EDAR: variants seen among roughly 807,000 people sequenced by gnomAD.
EDAR encodes the protein tumor necrosis factor receptor superfamily member EDAR.
A neutral mutation model predicts 51.3 loss-of-function variants in EDAR; 38 were observed. The observed-to-expected ratio is 0.74, with a 90% CI of 0.57 to 0.97. The LOEUF is 0.97. Among genes scored for constraint, EDAR ranks in the 50% least tolerant of loss-of-function variants. The pLI, the probability that EDAR is intolerant of heterozygous loss-of-function variation, is 0.00. For missense variants in EDAR, 528 were observed against 595.0 expected, an observed-to-expected ratio of 0.89 and a Z score of 1.17; for synonymous variants, 227 against 242.1, an observed-to-expected ratio of 0.94 and a Z score of 0.58.
chr2:108,905,151 G>A (rs372891986), intron 11 of EDAR, among the ~76,000 whole-genome samples: 1 of 152,308 alleles, frequency 6.6e-6, no homozygotes, highest in East Asian at 1.9e-4. Flanking sequence ...GGGCAGAGAG[G>A]GTGTTAAGAC....
At chr2:108,936,779 G>A (rs1022953283) in intron 1 of EDAR, among the ~76,000 whole-genome samples, 34 of 152,200 alleles carry the variant, frequency 2.2e-4, no homozygotes, top group African/African-American at 7.2e-4. Flanking sequence ...TGGGAGGAGA[G>A]GGATGCATTC....
At chr2:108,941,195 C>G (rs897017320) in intron 1 of EDAR, among the ~76,000 whole-genome samples, 7 of 152,198 alleles carry the variant, frequency 4.6e-5, no homozygotes, top group Non-Finnish European at 7.3e-5. Flanking sequence ...GAATCGTATT[C>G]CACTGCATTC....
chr2:108,905,645 A>G (rs1696787480), intron 11 of EDAR, among the ~76,000 whole-genome samples: 2 of 152,196 alleles, frequency 1.3e-5, no homozygotes, highest in Non-Finnish European at 2.9e-5. Flanking sequence ...CAGCGAGTCC[A>G]GCAGCAGGAA....
At chr2:108,953,608 G>T (rs552641479) in intron 1 of EDAR, among the ~76,000 whole-genome samples, 11 of 152,150 alleles carry the variant, frequency 7.2e-5, no homozygotes, top group Non-Finnish European at 1.5e-4. Flanking sequence ...AGTTGTTTTT[G>T]GTAGACCAGG....
At chr2:108,927,674 G>C (rs1233269116) in intron 4 of EDAR, among the ~76,000 whole-genome samples, 2 of 152,082 alleles carry the variant, frequency 1.3e-5, no homozygotes, top group Non-Finnish European at 2.9e-5. Context: ...CCAGCACCCT[G>C]AGTGCATAGT....
At chr2:108,971,684 T>G (rs1428015429) in intron 1 of EDAR, among the ~76,000 whole-genome samples, 2 of 152,202 alleles carry the variant, frequency 1.3e-5, no homozygotes, top group Non-Finnish European at 2.9e-5. Context: ...TAGAGCAATT[T>G]GCCCAAGGTT....
intron 5 of EDAR, among the ~76,000 whole-genome samples, chr2:108,920,323 T>C (rs1697111840): frequency 6.6e-6 from 1 of 152,198 alleles, no homozygotes; most frequent in Non-Finnish European, 1.5e-5. Context: ...TAACTTGTAA[T>C]GAAATCCAAG....
In EDAR at chr2:108,923,356, A is replaced by G; in HGVS notation, c.442+12T>C. 1.2e-6 allele frequency: 2 copies of G among 1,613,558 alleles called. No homozygotes were observed. The highest frequency in any genetic ancestry group is 1.7e-6 in the Non-Finnish European group (2 of 1,179,408). ...ACAAATACCGTGCTGGTGGAAGGAC[A>G]AAGACACTCACATTCCTTGGTGTTG... On this transcript the variant is annotated intron_variant, in intron 5 of 11. Coordinates refer to ENST00000258443, the MANE Select transcript of EDAR (RefSeq NM_022336.4).
intron 1 of EDAR, among the ~76,000 whole-genome samples, chr2:108,932,372 C>A (rs925754506): frequency 6.6e-6 from 1 of 151,172 alleles, no homozygotes; most frequent in Non-Finnish European, 1.5e-5. Context: ...ACTAAAAATA[C>A]AAAAAAATTA....
At chr2:108,902,738 T>C (rs1696726259) in intron 11 of EDAR, among the ~76,000 whole-genome samples, 1 of 152,206 alleles carries the variant, frequency 6.6e-6, no homozygotes, top group Admixed American at 6.5e-5. Context: ...TAAAAATTAT[T>C]GTAATCCACT....
chr2:108,915,666 G>A (rs1222079880), intron 5 of EDAR, among the ~76,000 whole-genome samples: 2 of 152,266 alleles, frequency 1.3e-5, no homozygotes, highest in Admixed American at 6.5e-5. Context: ...TTGGGAGGCC[G>A]AGGCGGGAGG....
rs575542296 is a variant in EDAR at position 108,915,822 on chromosome 2, G to A, written c.443-3058C>T. On this transcript the variant is annotated intron_variant, in intron 5 of 11. Transcript: ENST00000258443. Reference sequence around the variant, plus strand: ...TGAGGCAAGAGAATCGCTGGAACCCGGGAGGCGGAGGTTGCAGTGAGTCGA... The same window carrying A: ...TGAGGCAAGAGAATCGCTGGAACCCAGGAGGCGGAGGTTGCAGTGAGTCGA... 5.3e-4 allele frequency among the ~76,000 whole-genome samples: 80 copies of A among 152,210 alleles called. No homozygotes were observed. In the East Asian group the frequency reaches 0.013, roughly 24 times the overall value.
intron 1 of EDAR, among the ~76,000 whole-genome samples, chr2:108,962,435 AG>A (rs1258598401): frequency 6.6e-6 from 1 of 152,108 alleles, no homozygotes; most frequent in Non-Finnish European, 1.5e-5. Flanking sequence ...GCACTTTGGG[AG>A]GCCGAGGCTG....
intron 1 of EDAR, among the ~76,000 whole-genome samples, chr2:108,941,149 G>A (rs879399338): frequency 2.6e-5 from 4 of 152,234 alleles, no homozygotes; most frequent in South Asian, 2.1e-4. Context: ...ATGCGTCTGC[G>A]TTGTGGGAAT....
intron 5 of EDAR, among the ~76,000 whole-genome samples, chr2:108,918,451 A>C (rs1697067225): frequency 6.6e-6 from 1 of 152,190 alleles, no homozygotes; most frequent in Non-Finnish European, 1.5e-5. Flanking sequence ...CTGCGGGTCC[A>C]TCTCCCCTTG....
intron 11 of EDAR, among the ~76,000 whole-genome samples, chr2:108,902,403 A>T (rs1440906953): frequency 6.6e-6 from 1 of 151,900 alleles, no homozygotes; most frequent in African/African-American, 2.4e-5. Context: ...AAACAAAAAA[A>T]CCTCCCCAAA....
intron 4 of EDAR, 43 bp from the exon 5 acceptor site, chr2:108,923,496 A>C: frequency 6.4e-7 from 1 of 1,569,570 alleles, no homozygotes; most frequent in Non-Finnish European, 8.8e-7. Flanking sequence ...GGTGAGCTGG[A>C]CAGCACACAG....
intron 11 of EDAR, among the ~76,000 whole-genome samples, chr2:108,905,824 G>A (rs1446263542): frequency 2.6e-5 from 4 of 151,060 alleles, no homozygotes; most frequent in Non-Finnish European, 2.9e-5. Flanking sequence ...CAGGTTATGG[G>A]GAGACAGCCT....
chr2:108,922,230 T>C (rs945466990), intron 5 of EDAR, among the ~76,000 whole-genome samples: 16 of 152,252 alleles, frequency 1.1e-4, no homozygotes, highest in African/African-American at 3.9e-4. Context: ...GTGTCTGACA[T>C]CTTTCCAGAC....
Sources: allele counts gnomAD v4.1 joint callset (sites outside exome capture counted in the v4.1 genomes callset), GRCh38; gene constraint gnomAD v4.1.1; transcripts MANE v1.5; gene names NCBI Gene and HGNC (gene_info 2026-07-23, HGNC 2026-07-21).